CDKL3: variants seen among roughly 807,000 people sequenced by gnomAD.
CDKL3 encodes cyclin-dependent kinase-like 3.
In CDKL3, 65 loss-of-function variants were observed where a neutral mutation model predicts 69.3. That is an observed-to-expected ratio of 0.94 (90% CI 0.77 to 1.15). The LOEUF is 1.15. Among genes scored for constraint, CDKL3 ranks in the 50% most tolerant of loss-of-function variants. The pLI is 0.00. For synonymous variants in CDKL3, 202 were observed against 221.6 expected (o/e 0.91, Z 0.79); for missense variants, 652 against 689.2 (o/e 0.95, Z 0.61).
In CDKL3 at chr5:134,302,694, C is replaced by T. The variant is rs745694739; in HGVS notation, c.1622-7G>A. ...AGCATTTTTATCTGTTTAACTTTTG[C>T]AAAAATATACAAAACAATGAAAATT... On this transcript the variant is annotated splice_region_variant and splice_polypyrimidine_tract_variant and intron_variant, in intron 11 of 12. Transcript: ENST00000265334. 33 of 1,394,824 alleles carry T rather than the reference C, an allele frequency of 2.4e-5. No homozygotes were observed. The highest frequency in any genetic ancestry group is 3.1e-5 in the Non-Finnish European group (31 of 1,009,538). The allele number at this position is 1,394,824 out of a possible 1,614,324, so 86.4% of individuals were successfully genotyped here. A position where few individuals can be genotyped will look rare whatever the true frequency, so the allele number is the denominator to read the frequency against.
chr5:134,366,669 AGG>A, intron 1 of CDKL3, 125 bp from the exon 2 acceptor site: 1 of 703,712 alleles, frequency 1.4e-6, no homozygotes, highest in Non-Finnish European at 2.2e-6. Context: ...AAAAAAAAAA[AGG>A]AATCTTTTCC....
Position 134,299,059 on chromosome 5 carries a change from A to C in CDKL3, c.1720-349T>G, listed in dbSNP as rs138417774. ...GGCTAATTTTTTGCATTTTTAGTAG[A>C]GATGGGGTTTCACCATGCTGGCCAG... On this transcript the variant is annotated intron_variant, in intron 12 of 12. Coordinates refer to ENST00000265334, the MANE Select transcript of CDKL3 (RefSeq NM_001113575.2). Among the ~76,000 whole-genome samples the C allele has an allele frequency of 6.2e-3, 948 of 152,228 alleles. 5 individuals are homozygous for C. Among genetic ancestry groups the C allele is most frequent in the Non-Finnish European group, 0.01 (701 of 68,018 alleles).
At chr5:134,298,828 G>A in intron 12 of CDKL3, 118 bp from the exon 13 acceptor site, 2 of 1,363,112 alleles carry the variant, frequency 1.5e-6, no homozygotes, top group Admixed American at 2.3e-5. Context: ...AAACATGCTA[G>A]TCAAGCCAAA....
At chr5:134,295,908 AT>A (rs1428695712), downstream of CDKL3, among the ~76,000 whole-genome samples, 3 of 151,824 alleles carry the variant, frequency 2.0e-5, no homozygotes, top group Non-Finnish European at 2.9e-5. Flanking sequence ...TTTATTTTTT[AT>A]TTTTTTAGAT....
chr5:134,367,210 AC>A, upstream of CDKL3: 1 of 985,656 alleles, frequency 1.0e-6, no homozygotes, highest in African/African-American at 1.7e-5. Context: ...CAGGGTCCCG[AC>A]CCGGAAGGGG....
intron 6 of CDKL3, 82 bp downstream of exon 6, chr5:134,319,276 G>A: frequency 1.9e-6 from 2 of 1,062,020 alleles, no homozygotes; most frequent in Non-Finnish European, 2.6e-6. Context: ...GTTGCAGTGA[G>A]CCGAGATCAC....
Position 134,298,475 on chromosome 5 carries a change from A to G in CDKL3, c.*176T>C, listed in dbSNP as rs921192198. 2.9e-6 allele frequency: 4 copies of G among 1,388,946 alleles called. No individual in the cohort carries two copies. The highest frequency in any genetic ancestry group is 2.9e-5 in the African/African-American group (2 of 68,552). The allele number at this position is 1,388,946 out of a possible 1,614,324, so 86.0% of individuals were successfully genotyped here. On this transcript the variant is annotated 3_prime_UTR_variant, in exon 13 of 13. Transcript: ENST00000265334. ...TTCCAAATCAAATTATCACATCAAC[A>G]GAGTCTTAAAAGGGAAAAGAAAACA... is the stretch of plus-strand genomic sequence containing the variant.
rs577351746 is a variant in CDKL3, at chr5:134,301,773, G to C, written c.1719+817C>G. On this transcript the variant is annotated intron_variant, in intron 12 of 12. Transcript: ENST00000265334. ...GTGGTGGCGTGTGCCTGTAGTCCCA[G>C]CTACTTGGGAGGCTGAGGCAGGAGA... Among the ~76,000 whole-genome samples the C allele has an allele frequency of 1.3e-3, 204 of 152,160 alleles. 1 individual carries two copies. The highest frequency in any genetic ancestry group is 3.0e-3 in the Admixed American group (46 of 15,280).
chr5:134,313,223 T>C (rs1418002267), intron 6 of CDKL3, among the ~76,000 whole-genome samples: 2 of 152,186 alleles, frequency 1.3e-5, no homozygotes, highest in African/African-American at 2.4e-5. Flanking sequence ...CTTGGCCTTT[T>C]AAAATTTTTT....
chr5:134,306,818 G>T (rs1768008088), intron 9 of CDKL3, 116 bp from the exon 10 acceptor site: 1 of 564,618 alleles, frequency 1.8e-6, no homozygotes, highest in Admixed American at 4.8e-5. Flanking sequence ...GCAGTGTCAT[G>T]ATCTTGGCTC....
intron 2 of CDKL3, among the ~76,000 whole-genome samples, chr5:134,360,460 C>A (rs1177459724): frequency 6.6e-6 from 1 of 152,170 alleles, no homozygotes; most frequent in Non-Finnish European, 1.5e-5. Flanking sequence ...CTGCCTCAGC[C>A]TCCCCAACTC....
chr5:134,343,979 C>A lies in CDKL3; in HGVS notation c.539+6270G>T, dbSNP rs141926441. ...CTGTCTAGGCAGCGGGCAAGGTGAA[C>A]CCCTTGAGCAGTTACACTTACATCT... On this transcript the variant is annotated intron_variant, in intron 4 of 12. Coordinates refer to ENST00000265334, the MANE Select transcript of CDKL3 (RefSeq NM_001113575.2). Among the ~76,000 whole-genome samples the A allele has an allele frequency of 2.3e-4, 35 of 152,288 alleles. No homozygotes were observed. The East Asian group carries it at 3.5e-3, about 15-fold the overall frequency.
Position 134,304,394 on chromosome 5 carries a change from C to G in CDKL3, c.1621+11G>C. 6.3e-7 allele frequency: 1 copy of G among 1,588,834 alleles called. No homozygotes were observed. Among genetic ancestry groups the G allele is most frequent in the Non-Finnish European group, 8.6e-7 (1 of 1,167,052 alleles). ...TCATCATAATTGTAAAGCTATGCAA[C>G]AAATGTGTACCTTCCATTCCTTTTG... is the stretch of plus-strand genomic sequence containing the variant. On this transcript the variant is annotated intron_variant, in intron 11 of 12. Transcript: ENST00000265334.
intron 2 of CDKL3, among the ~76,000 whole-genome samples, chr5:134,362,963 T>C (rs779747765): frequency 2.7e-4 from 41 of 152,012 alleles, no homozygotes; most frequent in Non-Finnish European, 5.3e-4. Context: ...AAAAAGCCAA[T>C]GAGAATAGTT....
intron 6 of CDKL3, among the ~76,000 whole-genome samples, chr5:134,317,528 G>A (rs995474773): frequency 6.6e-6 from 1 of 152,146 alleles, no homozygotes; most frequent in African/African-American, 2.4e-5. Context: ...AGAGGCCAAG[G>A]AGGAAGGATC....
rs78592020 is a variant in CDKL3, at chr5:134,300,840, T to C, written c.1719+1750A>G. ...GGGATAAACACATGAGGCACATTAA[T>C]AGTCTGCCTACCTCAGGAGCCCTAA... On this transcript the variant is annotated intron_variant, in intron 12 of 12. Coordinates refer to ENST00000265334, the MANE Select transcript of CDKL3 (RefSeq NM_001113575.2). 9.6e-3 allele frequency among the ~76,000 whole-genome samples: 1,465 copies of C among 152,234 alleles called. 81 individuals are homozygous for C. Among genetic ancestry groups the C allele is most frequent in the East Asian group, 0.076 (396 of 5,178 alleles).
chr5:134,306,749 G>GATTTT, intron 9 of CDKL3, 47 bp from the exon 10 acceptor site: 1 of 291,426 alleles, frequency 3.4e-6, no homozygotes, highest in South Asian at 3.8e-5. Flanking sequence ...CCCCAGAAAT[G>GATTTT]CTTTTTTTTT....
chr5:134,354,852 C>T (rs1191392232), intron 3 of CDKL3, among the ~76,000 whole-genome samples: 1 of 151,844 alleles, frequency 6.6e-6, no homozygotes, highest in East Asian at 1.9e-4. Context: ...GAGGCTGAGG[C>T]AGGAGAATCG....
chr5:134,305,963 T>G (rs1473383126), intron 10 of CDKL3, among the ~76,000 whole-genome samples: 1 of 152,164 alleles, frequency 6.6e-6, no homozygotes, highest in South Asian at 2.1e-4. Context: ...TTTTAATCCA[T>G]AAAGATATTA....
Sources: allele counts gnomAD v4.1 joint callset (sites outside exome capture counted in the v4.1 genomes callset), GRCh38; gene constraint gnomAD v4.1.1; transcripts MANE v1.5; gene names NCBI Gene and HGNC (gene_info 2026-07-23, HGNC 2026-07-21).